MEG3: variants seen among roughly 807,000 people sequenced by gnomAD.
The protein encoded by MEG3 is maternally expressed 3.
At chr14:100,846,418 A>G (rs1039190136) in intron 3 of MEG3, 6 of 152,228 alleles carry the variant, frequency 3.9e-5, no homozygotes, top group African/African-American at 1.2e-4. Flanking sequence ...GAGTAAACTT[A>G]ACATTCACTG....
At chr14:100,836,018 T>C in intron 1 of MEG3, 1 of 350,202 alleles carries the variant, frequency 2.9e-6, no homozygotes, top group Non-Finnish European at 5.5e-6. Flanking sequence ...TTTGCACCTT[T>C]TCCTGTCATT....
At chr14:100,844,137 C>T (rs1412193197) in intron 2 of MEG3, among the ~76,000 whole-genome samples, 1 of 152,132 alleles carries the variant, frequency 6.6e-6, no homozygotes, top group Non-Finnish European at 1.5e-5. Context: ...GGGGCTGGTA[C>T]CTGTGGTCTG....
chr14:100,843,069 A>C (rs1021392481), intron 2 of MEG3, among the ~76,000 whole-genome samples: 1 of 152,200 alleles, frequency 6.6e-6, no homozygotes, highest in Non-Finnish European at 1.5e-5. Flanking sequence ...AAACCAAGGC[A>C]CGAATTTGCT....
chr14:100,838,198 T>A (rs1285452059), intron 2 of MEG3, among the ~76,000 whole-genome samples: 3 of 152,096 alleles, frequency 2.0e-5, no homozygotes, highest in Non-Finnish European at 4.4e-5. Flanking sequence ...CAAGGTGGAC[T>A]AAGCCCAGGG....
chr14:100,836,396 A>G (rs2037581554), intron 2 of MEG3: 3 of 434,458 alleles, frequency 6.9e-6, no homozygotes, highest in Non-Finnish European at 1.4e-5. Context: ...TAATTTGGGG[A>G]GGAGGCACCC....
chr14:100,840,552 G>A (rs2139969235), intron 2 of MEG3, among the ~76,000 whole-genome samples: 1 of 152,270 alleles, frequency 6.6e-6, no homozygotes, highest in South Asian at 2.1e-4. Context: ...GAAACGGAGT[G>A]TGTGTGTGTT....
chr14:100,828,814 A>T (rs2037321954), exon 2 of MEG3: 1 of 151,876 alleles, frequency 6.6e-6, no homozygotes, highest in South Asian at 2.1e-4. Flanking sequence ...TCTACACCTC[A>T]CGGTACTTCA....
At chr14:100,847,967 G>A (rs992311068) in intron 3 of MEG3, 1 of 152,214 alleles carries the variant, frequency 6.6e-6, no homozygotes, top group African/African-American at 2.4e-5. Flanking sequence ...TAATGAGTGA[G>A]ACGTGGAACC....
At chr14:100,827,918 G>C (rs2037287624) in intron 1 of MEG3, among the ~76,000 whole-genome samples, 1 of 152,216 alleles carries the variant, frequency 6.6e-6, no homozygotes, top group African/African-American at 2.4e-5. Context: ...GCGGAGCGGC[G>C]CTCCAGAGGG....
chr14:100,845,989 G>T lies in MEG3; in HGVS notation n.3121+456G>T, dbSNP rs1225809917. 2 of 153,036 alleles carry T rather than the reference G, an allele frequency of 1.3e-5. No individual in the cohort carries two copies. The highest frequency in any genetic ancestry group is 6.5e-5 in the Admixed American group (1 of 15,448). The allele number at this position is 153,036 out of a possible 1,614,324, so 9.5% of individuals were successfully genotyped here. ...TGGGCTTCAAGCTCCAATGACCTCC[G>T]CTCGCCCCCTCGAAATGTCTGGAAA... On this transcript the variant is annotated intron_variant and non_coding_transcript_variant, in intron 3 of 3. Transcript: ENST00000398461. This position sits in a 1 kb window ranked among gnomAD's most constrained non-coding sequence, Gnocchi z 5.2.
intron 3 of MEG3, chr14:100,847,713 T>G (rs2037956834): frequency 6.6e-6 from 1 of 152,096 alleles, no homozygotes; most frequent in African/African-American, 2.4e-5. Flanking sequence ...GATGAGGGTG[T>G]TGGGGTCCCC....
downstream of MEG3, chr14:100,830,020 A>G (rs1177727001): frequency 6.6e-6 from 1 of 152,170 alleles, no homozygotes; most frequent in African/African-American, 2.4e-5. Context: ...AAGAAACAGA[A>G]ACTTGCTGGG....
upstream of MEG3, chr14:100,856,135 T>C (rs1029790360): frequency 2.0e-5 from 3 of 152,186 alleles, no homozygotes; most frequent in Non-Finnish European, 4.4e-5. Flanking sequence ...TGATTGCTCA[T>C]GTGGGTGATA....
chr14:100,833,566 GTTC>G (rs748278442), downstream of MEG3: 12 of 152,372 alleles, frequency 7.9e-5, no homozygotes, highest in Admixed American at 7.9e-4. Context: ...CCCTATAGTA[GTTC>G]TTCTTTTGCC....
At chr14:100,859,210 T>G (rs2038330634) in exon 1 of MEG3, 1 of 152,250 alleles carries the variant, frequency 6.6e-6, no homozygotes, top group South Asian at 2.1e-4. Context: ...TACGCGCATT[T>G]GTTTAAAAGG....
At position 100,845,299 on chromosome 14, in the gene MEG3, A is replaced by G. The variant is rs2037884350; in HGVS notation, n.3046-159A>G. Among the ~76,000 whole-genome samples the G allele has an allele frequency of 6.6e-6, 1 of 152,142 alleles. No homozygotes were observed. Among genetic ancestry groups the G allele is most frequent in the African/African-American group, 2.4e-5 (1 of 41,430 alleles). ...GTGGGTGAGTGGAGTCAGGAGAGAAATGCGTGGCTTCTCCAATTCCACACT... is the reference window on the plus strand; with the variant it reads ...GTGGGTGAGTGGAGTCAGGAGAGAAGTGCGTGGCTTCTCCAATTCCACACT... On this transcript the variant is annotated intron_variant and non_coding_transcript_variant, in intron 2 of 3. Coordinates refer to the MEG3 transcript ENST00000398461. The surrounding 1 kb of genome is among the most constrained non-coding windows in gnomAD (Gnocchi z 5.2).
downstream of MEG3, chr14:100,832,539 G>A (rs1595260988): frequency 6.6e-6 from 1 of 152,654 alleles, no homozygotes; most frequent in Non-Finnish European, 1.5e-5. Context: ...GTCGAAGGAA[G>A]AGGCTGCAGA....
chr14:100,829,211 C>A (rs1348719332), downstream of MEG3: 1 of 152,252 alleles, frequency 6.6e-6, no homozygotes, highest in Non-Finnish European at 1.5e-5. Flanking sequence ...TAAGCCCTGA[C>A]CTTTGCTATG....
At chr14:100,828,189 C>T (rs1452116739) in intron 1 of MEG3, among the ~76,000 whole-genome samples, 3 of 152,058 alleles carry the variant, frequency 2.0e-5, no homozygotes, top group Non-Finnish European at 2.9e-5. Context: ...GCCGGGGCGC[C>T]GCAGGTGGCT....
Sources: gnomAD v4.1 joint callset for allele counts (sites outside exome capture counted in the v4.1 genomes callset) on GRCh38, gnomAD v4.1.1 for gene constraint, Gnocchi (gnomAD v3.1) non-coding constraint, MANE v1.5 for transcripts, NCBI Gene and HGNC (gene_info 2026-07-23, HGNC 2026-07-21) for gene names.